The following CFAP299 variants were observed in gnomAD, a reference collection of about 807,000 sequenced individuals.
CFAP299 encodes cilia and flagella associated protein 299.
CFAP299 carries 21 observed loss-of-function variants against 27.0 expected under a neutral mutation model. The ratio of observed to expected loss-of-function variants is 0.78; its 90% CI spans 0.55 to 1.12. The LOEUF is 1.12. Among genes scored for constraint, CFAP299 ranks in the 50% most tolerant of loss-of-function variants. The pLI, the probability that CFAP299 is intolerant of heterozygous loss-of-function variation, is 0.00. For synonymous variants in CFAP299, 104 were observed against 98.1 expected (o/e 1.06, Z -0.36); for missense variants, 310 against 276.6 (o/e 1.12, Z -0.86).
chr4:80,537,969 A>G (rs1348830699), intron 2 of CFAP299, among the ~76,000 whole-genome samples: 2 of 152,140 alleles, frequency 1.3e-5, no homozygotes, highest in Non-Finnish European at 2.9e-5. Flanking sequence ...TATTTTAACT[A>G]CTCTGAAATC....
chr4:80,811,637 C>G (rs1729157995), intron 3 of CFAP299, among the ~76,000 whole-genome samples: 1 of 152,100 alleles, frequency 6.6e-6, no homozygotes. Flanking sequence ...AGTATCCTAC[C>G]ACTACCTGGT....
intron 2 of CFAP299, among the ~76,000 whole-genome samples, chr4:80,520,756 A>G (rs1455868653): frequency 6.6e-6 from 1 of 152,252 alleles, no homozygotes; most frequent in East Asian, 1.9e-4. Context: ...TAAAAAATTG[A>G]AACTATAGCT....
At chr4:80,388,215 G>A (rs1186043216) in intron 2 of CFAP299, 4 of 697,024 alleles carry the variant, frequency 5.7e-6, no homozygotes, top group African/African-American at 1.8e-5. Flanking sequence ...GGCACAGAAT[G>A]CATGTTCAGG....
chr4:80,692,033 G>T (rs1270577324), intron 3 of CFAP299, among the ~76,000 whole-genome samples: 5 of 151,872 alleles, frequency 3.3e-5, no homozygotes, highest in South Asian at 2.1e-4. Context: ...CACTGCTCAA[G>T]GAAATAAAAG....
chr4:80,893,697 A>G (rs1734461584), intron 4 of CFAP299, among the ~76,000 whole-genome samples: 1 of 150,804 alleles, frequency 6.6e-6, no homozygotes, highest in Admixed American at 6.6e-5. Flanking sequence ...CTTATCTTGC[A>G]ATGTATATAA....
intron 5 of CFAP299, among the ~76,000 whole-genome samples, chr4:80,945,487 C>A (rs924919887): frequency 6.6e-6 from 1 of 152,042 alleles, no homozygotes; most frequent in Non-Finnish European, 1.5e-5. Context: ...TTACATCTTG[C>A]ATATTTTCAA....
At chr4:80,718,843 T>C (rs1280505466) in intron 3 of CFAP299, among the ~76,000 whole-genome samples, 2 of 152,064 alleles carry the variant, frequency 1.3e-5, no homozygotes, top group South Asian at 2.1e-4. Context: ...ACCAATGACA[T>C]ATATTTAAAC....
intron 2 of CFAP299, chr4:80,388,847 T>C: frequency 5.8e-6 from 2 of 345,696 alleles, no homozygotes; most frequent in South Asian, 1.2e-4. Context: ...CCTTAATTTA[T>C]TTTTCTTTCT....
intron 3 of CFAP299, among the ~76,000 whole-genome samples, chr4:80,752,219 C>T (rs1013796273): frequency 6.6e-6 from 1 of 151,960 alleles, no homozygotes; most frequent in East Asian, 1.9e-4. Flanking sequence ...CTCCATGAGT[C>T]GAGTTGTTTG....
chr4:80,810,351 GACACACACACACAC>G (rs70956066), intron 3 of CFAP299, among the ~76,000 whole-genome samples: 1 of 147,682 alleles, frequency 6.8e-6, no homozygotes, highest in African/African-American at 2.5e-5. Context: ...CCCAACCCCT[GACACACACACACAC>G]ACACACACAT....
At chr4:80,455,742 T>A (rs991530561) in intron 2 of CFAP299, among the ~76,000 whole-genome samples, 8 of 152,170 alleles carry the variant, frequency 5.3e-5, no homozygotes, top group African/African-American at 1.7e-4. Context: ...TATTTTCAGA[T>A]AAGAATTTTG....
chr4:80,390,736 T>A (rs1725361227), intron 2 of CFAP299, among the ~76,000 whole-genome samples: 1 of 145,978 alleles, frequency 6.9e-6, no homozygotes, highest in South Asian at 2.1e-4. Flanking sequence ...TGTATATATG[T>A]ATATATGTAT....
At chr4:80,608,271 T>C (rs1306035994) in intron 3 of CFAP299, 3 of 1,079,308 alleles carry the variant, frequency 2.8e-6, no homozygotes, top group Admixed American at 2.0e-5. Flanking sequence ...ATACTTTAGA[T>C]AGGAGATTTG....
chr4:80,701,414 T>G (rs1721472456), intron 3 of CFAP299, among the ~76,000 whole-genome samples: 1 of 152,036 alleles, frequency 6.6e-6, no homozygotes, highest in African/African-American at 2.4e-5. Flanking sequence ...AATAGCTAAA[T>G]GTGTTGGTTT....
chr4:80,324,868 A>C, the CFAP299 span, among the ~76,000 whole-genome samples: 1 of 152,184 alleles, frequency 6.6e-6, no homozygotes, highest in Non-Finnish European at 1.5e-5. Context: ...CATGCCTGTA[A>C]TCCCAGCAAT....
chr4:80,693,932 T>A (rs1001628980), intron 3 of CFAP299, among the ~76,000 whole-genome samples: 1 of 152,120 alleles, frequency 6.6e-6, no homozygotes, highest in Non-Finnish European at 1.5e-5. Context: ...AGTAGATTAT[T>A]GCCCTTATGA....
intron 2 of CFAP299, among the ~76,000 whole-genome samples, chr4:80,363,769 G>A (rs867657025): frequency 1.1e-4 from 16 of 152,092 alleles, no homozygotes; most frequent in African/African-American, 3.6e-4. Context: ...GCCATAACAC[G>A]TTATTACAAA....
At chr4:80,896,933 A>T (rs1037473779) in intron 4 of CFAP299, among the ~76,000 whole-genome samples, 2 of 152,176 alleles carry the variant, frequency 1.3e-5, no homozygotes, top group Non-Finnish European at 2.9e-5. Flanking sequence ...GTGATTAATC[A>T]ATCATTTGAG....
chr4:80,674,593 C>T (rs1479009026), intron 3 of CFAP299, among the ~76,000 whole-genome samples: 1 of 152,166 alleles, frequency 6.6e-6, no homozygotes, highest in Non-Finnish European at 1.5e-5. Flanking sequence ...CAGAAGTTCT[C>T]CTGGATAATA....
Sources: gnomAD v4.1 joint callset for allele counts (sites outside exome capture counted in the v4.1 genomes callset) on GRCh38, gnomAD v4.1.1 for gene constraint, MANE v1.5 for transcripts, NCBI Gene and HGNC (gene_info 2026-07-23, HGNC 2026-07-21) for gene names.